ACAD11: variants seen among roughly 807,000 people sequenced by gnomAD.
ACAD11 encodes the protein acyl-CoA dehydrogenase family member 11, also known as acyl-Coenzyme A dehydrogenase family, member 11.
A neutral mutation model predicts 102.2 loss-of-function variants in ACAD11; 83 were observed. That is an observed-to-expected ratio of 0.81 (90% CI 0.68 to 0.97). ACAD11 has a LOEUF of 0.97. Among genes scored for constraint, ACAD11 ranks in the 50% least tolerant of loss-of-function variants. The probability of loss-of-function intolerance (pLI) is 0.00; values close to 1 mark genes in which losing one functional copy is unlikely to be tolerated. For missense variants in ACAD11, 901 were observed against 951.7 expected (o/e 0.95, Z 0.70); for synonymous variants, 324 against 319.8 (o/e 1.01, Z -0.14).
intron 13 of ACAD11, among the ~76,000 whole-genome samples, chr3:132,588,444 T>G (rs1937942044): frequency 6.6e-6 from 1 of 152,234 alleles, no homozygotes; most frequent in Non-Finnish European, 1.5e-5. Flanking sequence ...GAGTTTTATT[T>G]ATCAGCTGAA....
intron 13 of ACAD11, chr3:132,600,414 A>G (rs1938517414): frequency 2.5e-6 from 4 of 1,595,774 alleles, no homozygotes; most frequent in Non-Finnish European, 3.4e-6. Context: ...TTGGAACAGA[A>G]CCAGTCAACA....
At chr3:132,581,802 T>A (rs940320270) in intron 13 of ACAD11, among the ~76,000 whole-genome samples, 7 of 150,210 alleles carry the variant, frequency 4.7e-5, no homozygotes, top group Non-Finnish European at 8.9e-5. Flanking sequence ...TTATATTGCA[T>A]CAGTTACAGA....
rs529601904 is a variant in ACAD11, at chr3:132,617,873, T to G, written c.1414+761A>C. 2.9e-4 allele frequency among the ~76,000 whole-genome samples: 44 copies of G among 152,242 alleles called. No individual in the cohort carries two copies. In the South Asian group the frequency reaches 8.9e-3, roughly 31 times the overall value. ...GAATACATCAATCACACTCTTGCCT[T>G]TTCTGTTCCATCTACTATAAAAACT... is the stretch of plus-strand genomic sequence containing the variant. On this transcript the variant is annotated intron_variant, in intron 11 of 19. Transcript: ENST00000264990.
chr3:132,590,248 G>GT (rs938999267), intron 13 of ACAD11, among the ~76,000 whole-genome samples: 2 of 151,836 alleles, frequency 1.3e-5, no homozygotes, highest in African/African-American at 2.4e-5. Context: ...GTAGTTCTGG[G>GT]TTTTTTGTTT....
At position 132,623,486 on chromosome 3, in the gene ACAD11, G is replaced by A. The variant is rs1179605937; in HGVS notation, c.1197+3205C>T. Among the ~76,000 whole-genome samples the A allele has an allele frequency of 4.6e-5, 7 of 150,652 alleles. No homozygotes were observed. In the East Asian group the frequency reaches 7.8e-4, roughly 17 times the overall value. ...TCACTATCATTCTACAGGATAAAACGTTTTTATAGATGTTGGTACAGTACG... is the reference window on the plus strand; with the variant it reads ...TCACTATCATTCTACAGGATAAAACATTTTTATAGATGTTGGTACAGTACG... On this transcript the variant is annotated intron_variant, in intron 9 of 19. Transcript: ENST00000264990.
chr3:132,618,844 A>T (rs1939508212), intron 10 of ACAD11, 72 bp from the exon 11 acceptor site: 2 of 1,358,088 alleles, frequency 1.5e-6, no homozygotes, highest in African/African-American at 1.5e-5. Context: ...TCTTTTTTTA[A>T]ATATTGGTAT....
chr3:132,582,216 G>A (rs1361767335), intron 13 of ACAD11, among the ~76,000 whole-genome samples: 3 of 151,660 alleles, frequency 2.0e-5, no homozygotes, highest in East Asian at 3.9e-4. Context: ...ACAAATGAGT[G>A]AAATTGTCAT....
chr3:132,600,558 T>A, intron 13 of ACAD11: 1 of 1,613,990 alleles, frequency 6.2e-7, no homozygotes, highest in Non-Finnish European at 8.5e-7. Context: ...GTTTTCGTCA[T>A]TGGACTTGCA....
chr3:132,603,494 G>A (rs1341822182), intron 12 of ACAD11, among the ~76,000 whole-genome samples, 167 bp from the exon 13 acceptor site: 3 of 152,062 alleles, frequency 2.0e-5, no homozygotes, highest in Admixed American at 6.6e-5. Context: ...TTCAATAAAC[G>A]TGCACTGAAA....
At chr3:132,589,433 T>C (rs1415592498) in intron 13 of ACAD11, among the ~76,000 whole-genome samples, 4 of 152,252 alleles carry the variant, frequency 2.6e-5, no homozygotes, top group Non-Finnish European at 5.9e-5. Context: ...CATGCTTTGA[T>C]TCTTAGTTAG....
At position 132,631,439 on chromosome 3, in the gene ACAD11, A is replaced by G. The variant is rs771672543; in HGVS notation, c.743T>C (p.Ile248Thr). ...IAVLDWELST[I>T]GHPLSDLAHF... is the part of the protein sequence containing the mutation. ...AGCTAAGTCTGACAAAGGATGACCA[A>G]TGGTTGACAGCTCCCAATCCAGCAC... The change falls in exon 6 of 20, where the codon ATT (isoleucine) becomes ACT (threonine). Residue 248 changes from isoleucine (I) to threonine (T), a missense_variant. By Grantham distance (89) the Ile-to-Thr change is moderately conservative. Transcript: ENST00000264990. 9.1e-5 allele frequency: 142 copies of G among 1,554,838 alleles called. No individual in the cohort carries two copies. Among genetic ancestry groups the G allele is most frequent in the Non-Finnish European group, 1.2e-4 (134 of 1,147,504 alleles).
rs1329272788 is a variant in ACAD11, at chr3:132,566,201, A to G, written c.2002-4984T>C. Among the ~76,000 whole-genome samples, 7 of 151,884 alleles carry G rather than the reference A, an allele frequency of 4.6e-5. 1 individual carries two copies. The South Asian group carries it at 8.3e-4, about 18-fold the overall frequency. Reference sequence around the variant, plus strand: ...ATAAAAAGCTCAGTAAATGGGTTCCACAGCAGAACAGAGGGGACAGAGGAA... The same window carrying G: ...ATAAAAAGCTCAGTAAATGGGTTCCGCAGCAGAACAGAGGGGACAGAGGAA... On this transcript the variant is annotated intron_variant, in intron 17 of 19. Coordinates refer to ENST00000264990, the MANE Select transcript of ACAD11 (RefSeq NM_032169.5).
chr3:132,630,381 T>C, intron 7 of ACAD11, 56 bp downstream of exon 7: 2 of 1,496,746 alleles, frequency 1.3e-6, no homozygotes, highest in Non-Finnish European at 1.8e-6. Flanking sequence ...TGGAAAACAT[T>C]GTCAACAGTA....
At chr3:132,642,928 A>G (rs1325876791) in intron 2 of ACAD11, 126 bp from the exon 3 acceptor site, 1 of 867,644 alleles carries the variant, frequency 1.2e-6, no homozygotes, top group East Asian at 2.7e-5. Context: ...CACAAACTCC[A>G]GAGGATAATA....
intron 10 of ACAD11, chr3:132,618,991 T>C (rs925022524): frequency 4.1e-5 from 17 of 417,280 alleles, no homozygotes; most frequent in African/African-American, 3.3e-4. Context: ...CCTCCAAGCT[T>C]CCTTGGATTT....
intron 1 of ACAD11, among the ~76,000 whole-genome samples, chr3:132,649,479 A>G (rs1431398862): frequency 6.6e-6 from 1 of 152,252 alleles, no homozygotes; most frequent in East Asian, 1.9e-4. Context: ...GTGCACATCT[A>G]GGCATAGTAC....
At chr3:132,600,353 G>C in intron 13 of ACAD11, 4 of 1,480,402 alleles carry the variant, frequency 2.7e-6, no homozygotes, top group Non-Finnish European at 3.6e-6. Flanking sequence ...AGCATATTTA[G>C]ACAAATATCT....
chr3:132,639,571 T>A lies in ACAD11; in HGVS notation c.623A>T (p.Asn208Ile). ...MQQLSEWLMK[N>I]LPDNDNEENL... ...CTCTTCATTGTCATTATCGGGCAAG[T>A]TCTTCATTAGCCACTCCGATAGCTG... Residue 208 changes from asparagine (N) to isoleucine (I), a missense_variant, in exon 5 of 20, where the codon AAC becomes ATC. Coordinates refer to ENST00000264990, the MANE Select transcript of ACAD11 (RefSeq NM_032169.5). 1 of 1,614,092 alleles carries A rather than the reference T, an allele frequency of 6.2e-7. No homozygotes were observed. The highest frequency in any genetic ancestry group is 8.5e-7 in the Non-Finnish European group (1 of 1,179,980).
At chr3:132,581,201 CCA>C (rs1937592321) in intron 13 of ACAD11, among the ~76,000 whole-genome samples, 1 of 151,906 alleles carries the variant, frequency 6.6e-6, no homozygotes, top group Non-Finnish European at 1.5e-5. Flanking sequence ...TTCTCAACAA[CCA>C]CCAGGGATGC....
Sources: allele counts gnomAD v4.1 joint callset (sites outside exome capture counted in the v4.1 genomes callset), GRCh38; gene constraint gnomAD v4.1.1; transcripts MANE v1.5; gene names NCBI Gene and HGNC (gene_info 2026-07-23, HGNC 2026-07-21).